Variants in TANC2 observed in about 807,000 individuals in gnomAD.
The protein encoded by TANC2 is protein TANC2.
TANC2 carries 26 observed loss-of-function variants against 210.5 expected under a neutral mutation model. The observed-to-expected ratio is 0.12, with a 90% CI of 0.09 to 0.17. The LOEUF is 0.17. TANC2 is among the 10% of genes least tolerant of loss of function. TANC2 has a pLI of 1.00. For synonymous variants in TANC2, 931 were observed against 967.1 expected (o/e 0.96, Z 0.69); for missense variants, 2,129 against 2,608.9 (o/e 0.82, Z 4.01).
chr17:63,229,499 A>G (rs2042413053), intron 7 of TANC2, among the ~76,000 whole-genome samples: 4 of 151,156 alleles, frequency 2.6e-5, no homozygotes, highest in Admixed American at 2.0e-4. Flanking sequence ...AACAAACAGT[A>G]CCAGCAACTC....
chr17:63,411,809 C>A, intron 22 of TANC2, 123 bp downstream of exon 22: 1 of 1,414,462 alleles, frequency 7.1e-7, no homozygotes, highest in Non-Finnish European at 9.6e-7. Flanking sequence ...CAGATCTATA[C>A]TTGCTAGAGA....
chr17:63,330,459 T>A (rs138677129), intron 11 of TANC2, among the ~76,000 whole-genome samples: 1,919 of 152,310 alleles, frequency 0.013, 20 homozygotes, highest in Non-Finnish European at 0.02. Flanking sequence ...AAAAAATTTA[T>A]TCAGGATCAT....
intron 3 of TANC2, among the ~76,000 whole-genome samples, chr17:63,084,423 A>AT (rs963851317): frequency 1.1e-4 from 17 of 148,914 alleles, no homozygotes; most frequent in African/African-American, 4.0e-4. Context: ...GATCTTTTCA[A>AT]TTTTTTTTCT....
chr17:63,063,575 T>TGTGTAG (rs142486219), intron 2 of TANC2, among the ~76,000 whole-genome samples: 19,761 of 132,100 alleles, frequency 0.15, 1,733 homozygotes, highest in South Asian at 0.23. Flanking sequence ...TGTGTGTGTG[T>TGTGTAG]AGATATATCT....
intron 19 of TANC2, among the ~76,000 whole-genome samples, chr17:63,404,721 C>CA (rs535592157): frequency 8.3e-4 from 117 of 141,286 alleles, no homozygotes; most frequent in Middle Eastern, 3.6e-3. Flanking sequence ...TAAAACAAAA[C>CA]AAAAAAAAAA....
chr17:62,998,213 TAAAG>T (rs2033206317), intron 1 of TANC2, among the ~76,000 whole-genome samples: 1 of 151,854 alleles, frequency 6.6e-6, no homozygotes, highest in South Asian at 2.1e-4. Context: ...CAGACAAAAA[TAAAG>T]AAAAACCAAT....
chr17:63,176,338 G>A (rs2145611203), intron 5 of TANC2, among the ~76,000 whole-genome samples: 1 of 152,222 alleles, frequency 6.6e-6, no homozygotes, highest in South Asian at 2.1e-4. Flanking sequence ...CCATACAAAG[G>A]AATACTGCTC....
rs183985408 is a variant in TANC2 at position 63,194,154 on chromosome 17, A to G, written c.582+15A>G. Reference sequence around the variant, plus strand: ...ATGAAAATCAGGTAAGCTGTTTGCTATCACCTTTGTGAAACATGGTGTGAA... The same window carrying G: ...ATGAAAATCAGGTAAGCTGTTTGCTGTCACCTTTGTGAAACATGGTGTGAA... On this transcript the variant is annotated intron_variant, in intron 6 of 27. Transcript: ENST00000689528. 90 of 1,609,120 alleles carry G rather than the reference A, an allele frequency of 5.6e-5. 1 individual carries two copies. The Middle Eastern group carries it at 1.5e-3, about 27-fold the overall frequency.
chr17:63,296,754 A>T (rs1047072500), intron 9 of TANC2, among the ~76,000 whole-genome samples: 77 of 152,348 alleles, frequency 5.1e-4, no homozygotes, highest in Non-Finnish European at 3.8e-4. Context: ...GAAATTCTGG[A>T]GTTGAAAAGT....
intron 9 of TANC2, among the ~76,000 whole-genome samples, chr17:63,306,672 G>A (rs1225012397): frequency 6.6e-6 from 1 of 152,084 alleles, no homozygotes; most frequent in African/African-American, 2.4e-5. Context: ...AAAATTATGG[G>A]GGCCGGGCAT....
At chr17:63,023,859 T>A (rs1167403343) in intron 2 of TANC2, among the ~76,000 whole-genome samples, 1 of 152,162 alleles carries the variant, frequency 6.6e-6, no homozygotes, top group African/African-American at 2.4e-5. Flanking sequence ...AACTTTGAAA[T>A]TGCATTTGAA....
intron 5 of TANC2, among the ~76,000 whole-genome samples, chr17:63,170,608 T>G (rs1298740655): frequency 6.6e-6 from 1 of 152,186 alleles, no homozygotes; most frequent in African/African-American, 2.4e-5. Flanking sequence ...AAGTATTTTT[T>G]TATTTTGTGC....
intron 9 of TANC2, among the ~76,000 whole-genome samples, chr17:63,310,873 T>C (rs2045101773): frequency 6.6e-6 from 1 of 152,168 alleles, no homozygotes; most frequent in Non-Finnish European, 1.5e-5. Context: ...TGGTAAGGTG[T>C]ATCAAAAACA....
intron 11 of TANC2, among the ~76,000 whole-genome samples, chr17:63,334,491 C>G (rs1598878413): frequency 6.6e-6 from 1 of 152,128 alleles, no homozygotes; most frequent in Non-Finnish European, 1.5e-5. Flanking sequence ...AGGGAGAACT[C>G]TTTCTTCCAA....
At chr17:63,181,948 G>A (rs559618051) in intron 5 of TANC2, among the ~76,000 whole-genome samples, 3 of 152,320 alleles carry the variant, frequency 2.0e-5, no homozygotes, top group Admixed American at 6.5e-5. Flanking sequence ...ACTCCAGTGA[G>A]GTGTAGGTAG....
chr17:63,211,959 C>T (rs573390663), intron 7 of TANC2, among the ~76,000 whole-genome samples: 2 of 152,108 alleles, frequency 1.3e-5, no homozygotes, highest in African/African-American at 4.8e-5. Flanking sequence ...ATACATGTGC[C>T]GTGTTGGTTT....
At chr17:63,041,289 GTAAC>G (rs1224329158) in intron 2 of TANC2, among the ~76,000 whole-genome samples, 1 of 152,164 alleles carries the variant, frequency 6.6e-6, no homozygotes, top group Non-Finnish European at 1.5e-5. Context: ...TTTAGTGACA[GTAAC>G]TAACTACAGA....
At chr17:63,220,430 G>A (rs1197310551) in intron 7 of TANC2, among the ~76,000 whole-genome samples, 1 of 151,444 alleles carries the variant, frequency 6.6e-6, no homozygotes, top group Non-Finnish European at 1.5e-5. Context: ...GGCTGGGCAC[G>A]GTGGCTCATG....
chr17:63,303,723 C>T (rs2044799994), intron 9 of TANC2, among the ~76,000 whole-genome samples: 1 of 152,052 alleles, frequency 6.6e-6, no homozygotes, highest in Non-Finnish European at 1.5e-5. Flanking sequence ...TCCTTTCTTT[C>T]AGGTACTCCA....
Sources: allele counts gnomAD v4.1 joint callset (sites outside exome capture counted in the v4.1 genomes callset), GRCh38; gene constraint gnomAD v4.1.1; transcripts MANE v1.5; gene names NCBI Gene and HGNC (gene_info 2026-07-23, HGNC 2026-07-21).